Variants in INPP5A observed in about 807,000 individuals in gnomAD.
INPP5A encodes 43 kDa inositol polyphosphate 5-phophatase.
INPP5A carries 14 observed loss-of-function variants against 65.2 expected under a neutral mutation model. The observed-to-expected ratio is 0.21, with a 90% CI of 0.14 to 0.34. INPP5A has a LOEUF of 0.34. Among genes scored for constraint, INPP5A ranks in the 10% least tolerant of loss-of-function variants. The pLI is 1.00. For synonymous variants in INPP5A, 207 were observed against 208.3 expected (o/e 0.99, Z 0.05); for missense variants, 431 against 545.6 (o/e 0.79, Z 2.09).
At position 132,674,274 on chromosome 10, in the gene INPP5A, C is replaced by T. The variant is rs1024721111; in HGVS notation, c.307-16118C>T. On this transcript the variant is annotated intron_variant, in intron 4 of 15. Transcript: ENST00000368594. This position sits in a 1 kb window ranked among gnomAD's most constrained non-coding sequence, Gnocchi z 4.4. ...GACCATCCAGCCAAACCATTGGCTACGGCCCATGAATCAGTATATAATCAC... is the reference window on the plus strand; with the variant it reads ...GACCATCCAGCCAAACCATTGGCTATGGCCCATGAATCAGTATATAATCAC... 8.5e-5 allele frequency among the ~76,000 whole-genome samples: 13 copies of T among 152,252 alleles called. No individual in the cohort carries two copies. Among genetic ancestry groups the T allele is most frequent in the Admixed American group, 5.9e-4 (9 of 15,284 alleles).
At chr10:132,566,686 A>G (rs1473353876) in intron 1 of INPP5A, among the ~76,000 whole-genome samples, 1 of 152,228 alleles carries the variant, frequency 6.6e-6, no homozygotes, top group Non-Finnish European at 1.5e-5. Flanking sequence ...TGATTGAAAA[A>G]TGATTATTCT....
chr10:132,600,172 G>A (rs952708941), intron 1 of INPP5A, among the ~76,000 whole-genome samples: 2 of 152,130 alleles, frequency 1.3e-5, no homozygotes, highest in African/African-American at 4.8e-5. Context: ...ACATATTCAG[G>A]CTTCAAATTT....
At chr10:132,573,859 T>A (rs1338185617) in intron 1 of INPP5A, among the ~76,000 whole-genome samples, 2 of 136,148 alleles carry the variant, frequency 1.5e-5, no homozygotes, top group African/African-American at 6.0e-5. Flanking sequence ...TGTGTGAGGT[T>A]TTGTTGAGAT....
In INPP5A at chr10:132,587,659, A is replaced by G. The variant is rs1178534001; in HGVS notation, c.76-20256A>G. Among the ~76,000 whole-genome samples the G allele has an allele frequency of 6.6e-6, 1 of 152,226 alleles. No individual in the cohort carries two copies. The highest frequency in any genetic ancestry group is 2.4e-5 in the African/African-American group (1 of 41,454). ...GATTCCGTTCAGAAACGGGGCCTGT[A>G]GATAATTGCGTTTTGTGTATGCCAT... On this transcript the variant is annotated intron_variant, in intron 1 of 15. Coordinates refer to ENST00000368594, the MANE Select transcript of INPP5A (RefSeq NM_005539.5). The surrounding 1 kb of genome is among the most constrained non-coding windows in gnomAD (Gnocchi z 4.3).
At chr10:132,754,523 C>G (rs1368109179) in intron 11 of INPP5A, among the ~76,000 whole-genome samples, 2 of 152,264 alleles carry the variant, frequency 1.3e-5, no homozygotes, top group African/African-American at 4.8e-5. Flanking sequence ...GGGGCCCTCA[C>G]CCCTCCACCC....
chr10:132,774,531 GA>G (rs895546857), intron 12 of INPP5A, among the ~76,000 whole-genome samples: 27 of 152,298 alleles, frequency 1.8e-4, no homozygotes, highest in African/African-American at 6.5e-4. Flanking sequence ...GCACTGTGGC[GA>G]AGCCGTGGGC....
intron 2 of INPP5A, among the ~76,000 whole-genome samples, chr10:132,632,042 A>G (rs2072282371): frequency 1.3e-5 from 2 of 152,198 alleles, no homozygotes; most frequent in African/African-American, 4.8e-5. Flanking sequence ...GTGCACCCCC[A>G]TGGGGGTTGT....
intron 1 of INPP5A, among the ~76,000 whole-genome samples, chr10:132,596,966 T>C (rs1238333493): frequency 6.6e-5 from 10 of 150,626 alleles, no homozygotes; most frequent in East Asian, 3.9e-4. Context: ...CATGTGTGCG[T>C]GTGTGCATGC....
rs577687129 is a variant in INPP5A, at chr10:132,741,705, G to A, written c.733-7812G>A. Among the ~76,000 whole-genome samples, 128 of 151,594 alleles carry A rather than the reference G, an allele frequency of 8.4e-4. No individual in the cohort carries two copies. The highest frequency in any genetic ancestry group is 2.6e-3 in the African/African-American group (107 of 41,410). On this transcript the variant is annotated intron_variant, in intron 9 of 15. Transcript: ENST00000368594. This position sits in a 1 kb window ranked among gnomAD's most constrained non-coding sequence, Gnocchi z 4.4. ...TTTCTCAATAGCCAATGTAAACTGA[G>A]GTGGACGTCAGTATCTGTGTCCGCT...
At chr10:132,614,578 TCA>T (rs2072004332) in intron 2 of INPP5A, among the ~76,000 whole-genome samples, 1 of 152,228 alleles carries the variant, frequency 6.6e-6, no homozygotes, top group African/African-American at 2.4e-5. Flanking sequence ...AGAATCAGAC[TCA>T]CAGACTCATC....
In INPP5A at chr10:132,659,900, C is replaced by T. The variant is rs2133414405; in HGVS notation, c.306+9395C>T. Reference sequence around the variant, plus strand: ...TGGGCTCCAGAAACCTGAGGACATGCAGCCTGCAGCTCCTGACACATGACA... The same window carrying T: ...TGGGCTCCAGAAACCTGAGGACATGTAGCCTGCAGCTCCTGACACATGACA... On this transcript the variant is annotated intron_variant, in intron 4 of 15. Transcript: ENST00000368594. This position sits in a 1 kb window ranked among gnomAD's most constrained non-coding sequence, Gnocchi z 5.5. 6.6e-6 allele frequency among the ~76,000 whole-genome samples: 1 copy of T among 152,388 alleles called. No homozygotes were observed. The highest frequency in any genetic ancestry group is 1.9e-4 in the East Asian group (1 of 5,190).
At chr10:132,745,850 G>A (rs35675523) in intron 9 of INPP5A, among the ~76,000 whole-genome samples, 5,258 of 149,408 alleles carry the variant, frequency 0.035, 116 homozygotes, top group Non-Finnish European at 0.057. Context: ...TGGTGGGCCC[G>A]GCCATGGTGG....
rs532010316 is a variant in INPP5A, at chr10:132,718,359, C to G, written c.647+7903C>G. 1.5e-4 allele frequency among the ~76,000 whole-genome samples: 22 copies of G among 148,692 alleles called. No homozygotes were observed. In the South Asian group the frequency reaches 4.5e-3, roughly 30 times the overall value. On this transcript the variant is annotated intron_variant, in intron 8 of 15. Transcript: ENST00000368594. ...TCTGAGCACCTTAGACAGCTGTCTT[C>G]AGGGTTCTGTGGTGCCTGGGTTCTG...
intron 1 of INPP5A, among the ~76,000 whole-genome samples, chr10:132,598,787 T>G (rs4271316): frequency 1.3e-5 from 2 of 152,130 alleles, no homozygotes; most frequent in East Asian, 1.9e-4. Context: ...ATTGGACTTA[T>G]AGTTCCGCAT....
intron 4 of INPP5A, among the ~76,000 whole-genome samples, chr10:132,671,342 G>GCCCTCCCTGCTTCGGACTCCA (rs2072888030): frequency 6.7e-6 from 1 of 149,082 alleles, no homozygotes; most frequent in African/African-American, 2.5e-5. Context: ...TTCGGACTCC[G>GCCCTCCCTGCTTCGGACTCCA]CCCTCCCTGC....
chr10:132,775,348 G>A (rs2134691044), intron 12 of INPP5A, among the ~76,000 whole-genome samples: 1 of 152,066 alleles, frequency 6.6e-6, no homozygotes, highest in East Asian at 1.9e-4. Context: ...CCACCCAGCA[G>A]GTATGCTTTC....
At position 132,695,155 on chromosome 10, in the gene INPP5A, A is replaced by C. The variant is rs114592087; in HGVS notation, c.371-2661A>C. Among the ~76,000 whole-genome samples the C allele has an allele frequency of 4.5e-3, 684 of 152,332 alleles. 5 individuals are homozygous for C. Among genetic ancestry groups the C allele is most frequent in the African/African-American group, 0.016 (651 of 41,566 alleles). On this transcript the variant is annotated intron_variant, in intron 5 of 15. Coordinates refer to ENST00000368594, the MANE Select transcript of INPP5A (RefSeq NM_005539.5). ...AAGAGTCAGTTATATACTATGACCA[A>C]CCGAGATTTACTCCTGGTATAGAGG... is the stretch of plus-strand genomic sequence containing the variant.
In INPP5A at chr10:132,705,154, C is replaced by T. The variant is rs1183731412; in HGVS notation, c.475-3159C>T. ...GGGGCATCAGCAGCACCCACTTCTCCCCACAGCTCAGCTTCCCACTGATGT... is the reference window on the plus strand; with the variant it reads ...GGGGCATCAGCAGCACCCACTTCTCTCCACAGCTCAGCTTCCCACTGATGT... On this transcript the variant is annotated intron_variant, in intron 6 of 15. Coordinates refer to ENST00000368594, the MANE Select transcript of INPP5A (RefSeq NM_005539.5). The surrounding 1 kb of genome is among the most constrained non-coding windows in gnomAD (Gnocchi z 4.9). 6.6e-6 allele frequency among the ~76,000 whole-genome samples: 1 copy of T among 152,218 alleles called. No individual in the cohort carries two copies. The highest frequency in any genetic ancestry group is 1.9e-4 in the East Asian group (1 of 5,200).
rs76128717 is a variant in INPP5A, at chr10:132,616,039, G to A, written c.117+8083G>A. Among the ~76,000 whole-genome samples, 3,936 of 152,296 alleles carry A rather than the reference G, an allele frequency of 0.026. 70 individuals carry two copies. Among genetic ancestry groups the A allele is most frequent in the Non-Finnish European group, 0.035 (2,404 of 68,018 alleles). ...TTCACCCTCTGTAGCTGCCGGTTCC[G>A]GGTCCTGTGGGGAGCGGTGAGGGAT... On this transcript the variant is annotated intron_variant, in intron 2 of 15. Coordinates refer to ENST00000368594, the MANE Select transcript of INPP5A (RefSeq NM_005539.5). The surrounding 1 kb of genome is among the most constrained non-coding windows in gnomAD (Gnocchi z 4.9).
Sources: gnomAD v4.1 joint callset for allele counts (sites outside exome capture counted in the v4.1 genomes callset) on GRCh38, gnomAD v4.1.1 for gene constraint, Gnocchi (gnomAD v3.1) non-coding constraint, MANE v1.5 for transcripts, NCBI Gene and HGNC (gene_info 2026-07-23, HGNC 2026-07-21) for gene names.